The following CNTNAP2 variants were observed in gnomAD, a reference collection of about 807,000 sequenced individuals.
CNTNAP2 encodes contactin associated protein 2.
A neutral mutation model predicts 155.2 loss-of-function variants in CNTNAP2; 98 were observed. That is an observed-to-expected ratio of 0.63 (90% CI 0.54 to 0.75). The LOEUF is 0.75. Ranked by LOEUF, CNTNAP2 falls within the 30% of genes least tolerant of loss-of-function variation. The probability of loss-of-function intolerance (pLI) is 0.00; values close to 1 mark genes in which losing one functional copy is unlikely to be tolerated. For synonymous variants in CNTNAP2, 651 were observed against 631.2 expected, an observed-to-expected ratio of 1.03 and a Z score of -0.47; for missense variants, 1,727 against 1,688.1, an observed-to-expected ratio of 1.02 and a Z score of -0.40.
At chr7:147,145,317 A>T (rs1381025120) in intron 8 of CNTNAP2, among the ~76,000 whole-genome samples, 1 of 152,158 alleles carries the variant, frequency 6.6e-6, no homozygotes, top group African/African-American at 2.4e-5. Flanking sequence ...ACCTGGAGAC[A>T]TTGTTGGTTG....
intron 1 of CNTNAP2, among the ~76,000 whole-genome samples, chr7:146,606,481 T>A (rs1799049915): frequency 6.6e-6 from 1 of 152,186 alleles, no homozygotes; most frequent in Non-Finnish European, 1.5e-5. Flanking sequence ...TTGAATATTG[T>A]TATTTGTTAT....
In CNTNAP2 at chr7:146,139,931, G is replaced by A. The variant is rs541994449; in HGVS notation, c.97+22958G>A. Among the ~76,000 whole-genome samples the A allele has an allele frequency of 5.7e-4, 87 of 152,204 alleles. 1 individual carries two copies. Among genetic ancestry groups the A allele is most frequent in the African/African-American group, 1.9e-3 (78 of 41,554 alleles). ...AGTCATCTTTGCATTATCTTTGTAT[G>A]AAATTAACATGTAATTCATAAGCAG... On this transcript the variant is annotated intron_variant, in intron 1 of 23. Coordinates refer to ENST00000361727, the MANE Select transcript of CNTNAP2 (RefSeq NM_014141.6).
At chr7:147,282,222 T>C (rs1221694189) in intron 8 of CNTNAP2, among the ~76,000 whole-genome samples, 3 of 151,922 alleles carry the variant, frequency 2.0e-5, no homozygotes, top group African/African-American at 7.2e-5. Context: ...AAGGGGACAC[T>C]CTAATTTAGC....
chr7:147,209,191 G>C (rs560290493), intron 8 of CNTNAP2, among the ~76,000 whole-genome samples: 1 of 151,984 alleles, frequency 6.6e-6, no homozygotes, highest in Non-Finnish European at 1.5e-5. Context: ...TGAGTATTTG[G>C]CCACTTAAAC....
chr7:146,827,904 G>C (rs985457866), intron 2 of CNTNAP2, among the ~76,000 whole-genome samples: 2 of 152,076 alleles, frequency 1.3e-5, no homozygotes, highest in South Asian at 4.1e-4. Flanking sequence ...CATGACTTCA[G>C]TGACTTTGAC....
At chr7:148,328,117 G>A (rs116093624) in intron 21 of CNTNAP2, among the ~76,000 whole-genome samples, 7 of 152,300 alleles carry the variant, frequency 4.6e-5, no homozygotes, top group Middle Eastern at 3.4e-3. Context: ...ATGAGAACAC[G>A]CAGAGGCTAT....
chr7:146,943,465 C>T (rs1797096893), intron 3 of CNTNAP2, among the ~76,000 whole-genome samples: 1 of 152,152 alleles, frequency 6.6e-6, no homozygotes, highest in Admixed American at 6.5e-5. Flanking sequence ...GCACTCCAGC[C>T]TGGGTGACAG....
chr7:147,456,186 A>G (rs574058592), intron 10 of CNTNAP2, among the ~76,000 whole-genome samples: 21 of 152,266 alleles, frequency 1.4e-4, no homozygotes, highest in African/African-American at 5.1e-4. Context: ...AGACCTTTCC[A>G]CTAGAACAAG....
chr7:146,933,157 T>C (rs1302754668), intron 3 of CNTNAP2, among the ~76,000 whole-genome samples: 2 of 151,928 alleles, frequency 1.3e-5, no homozygotes, highest in East Asian at 3.9e-4. Flanking sequence ...AGAACAAAGC[T>C]GGAGGCATCA....
intron 1 of CNTNAP2, among the ~76,000 whole-genome samples, chr7:146,362,825 C>T (rs992881101): frequency 2.2e-5 from 3 of 134,982 alleles, no homozygotes; most frequent in African/African-American, 8.5e-5. Flanking sequence ...GACTGGAGTG[C>T]AGTGGCACGA....
chr7:146,871,146 A>G (rs1795297569), intron 3 of CNTNAP2, among the ~76,000 whole-genome samples: 1 of 152,206 alleles, frequency 6.6e-6, no homozygotes, highest in African/African-American at 2.4e-5. Flanking sequence ...TATGTGACGA[A>G]TTAGGCAACT....
intron 9 of CNTNAP2, among the ~76,000 whole-genome samples, chr7:147,351,389 T>C (rs1320572463): frequency 2.6e-5 from 4 of 151,728 alleles, no homozygotes; most frequent in South Asian, 2.1e-4. Context: ...ACGCATAGTT[T>C]ATAAAAAAAA....
intron 1 of CNTNAP2, among the ~76,000 whole-genome samples, chr7:146,443,959 T>C (rs931195493): frequency 1.3e-5 from 2 of 152,238 alleles, no homozygotes; most frequent in African/African-American, 4.8e-5. Flanking sequence ...TTTCAGTTTG[T>C]GAAAAATTAA....
At chr7:147,473,537 A>G (rs1230261417) in intron 10 of CNTNAP2, among the ~76,000 whole-genome samples, 1 of 151,986 alleles carries the variant, frequency 6.6e-6, no homozygotes, top group Non-Finnish European at 1.5e-5. Flanking sequence ...ATTTGTTTTA[A>G]TTGACAAGAT....
chr7:147,000,154 A>G (rs775995993), intron 3 of CNTNAP2, among the ~76,000 whole-genome samples: 3 of 151,520 alleles, frequency 2.0e-5, no homozygotes, highest in African/African-American at 4.8e-5. Context: ...TTCTGTTGAT[A>G]CTCTCTATAG....
chr7:146,284,368 A>G (rs1462084846), intron 1 of CNTNAP2, among the ~76,000 whole-genome samples: 2 of 151,850 alleles, frequency 1.3e-5, no homozygotes, highest in Admixed American at 1.3e-4. Flanking sequence ...TTTCTTTTTA[A>G]ATATATTATA....
At chr7:146,910,736 T>G (rs1241281369) in intron 3 of CNTNAP2, among the ~76,000 whole-genome samples, 3 of 149,358 alleles carry the variant, frequency 2.0e-5, no homozygotes, top group East Asian at 1.9e-4. Context: ...ATTCAGGACA[T>G]AGGCATGGGC....
intron 12 of CNTNAP2, among the ~76,000 whole-genome samples, chr7:147,610,298 G>T (rs1042515489): frequency 3.3e-5 from 5 of 151,656 alleles, no homozygotes; most frequent in Non-Finnish European, 7.4e-5. Flanking sequence ...TTTTCAAGTG[G>T]TTTTTTTTCT....
intron 13 of CNTNAP2, among the ~76,000 whole-genome samples, chr7:147,801,414 C>T (rs763986210): frequency 6.8e-6 from 1 of 148,034 alleles, no homozygotes; most frequent in African/African-American, 2.5e-5. Flanking sequence ...GAGGGAAGGT[C>T]GGCAGATAAA....
Sources: gnomAD v4.1 joint callset for allele counts (sites outside exome capture counted in the v4.1 genomes callset) on GRCh38, gnomAD v4.1.1 for gene constraint, MANE v1.5 for transcripts, NCBI Gene and HGNC (gene_info 2026-07-23, HGNC 2026-07-21) for gene names.